Variants in ASB2 observed in about 807,000 individuals in gnomAD.
ASB2 encodes ankyrin repeat and SOCS box containing 2.
ASB2 carries 58 observed loss-of-function variants against 62.4 expected under a neutral mutation model. That is an observed-to-expected ratio of 0.93 (90% CI 0.75 to 1.16). ASB2 has a LOEUF of 1.16. ASB2 is among the 50% of genes most tolerant of loss of function. The probability of loss-of-function intolerance (pLI) is 0.00; values close to 1 mark genes in which losing one functional copy is unlikely to be tolerated. For missense variants in ASB2, 928 were observed against 887.9 expected, an observed-to-expected ratio of 1.05 and a Z score of -0.57; for synonymous variants, 386 against 385.3, an observed-to-expected ratio of 1.00 and a Z score of -0.02.
chr14:93,954,999 C>T (rs1889126999), intron 3 of ASB2: 1 of 454,192 alleles, frequency 2.2e-6, no homozygotes, highest in Non-Finnish European at 4.4e-6. Context: ...TTCTGAATGT[C>T]AAAAAGATTT....
At chr14:93,972,376 C>T (rs1469697662) in intron 1 of ASB2, among the ~76,000 whole-genome samples, 1 of 152,138 alleles carries the variant, frequency 6.6e-6, no homozygotes, top group East Asian at 1.9e-4. Flanking sequence ...TGTTCTCTTC[C>T]CTTCCCGGGT....
At chr14:93,947,003 C>A (rs1888751762) in intron 7 of ASB2, among the ~76,000 whole-genome samples, 1 of 152,220 alleles carries the variant, frequency 6.6e-6, no homozygotes, top group Non-Finnish European at 1.5e-5. Context: ...AGTCACTCAA[C>A]CTCTCTGTGT....
At chr14:93,941,712 G>A in intron 7 of ASB2, 1 of 456,164 alleles carries the variant, frequency 2.2e-6, no homozygotes, top group South Asian at 1.5e-5. Flanking sequence ...GCTGCCCCGG[G>A]GCCGCTGGAC....
In ASB2 at chr14:93,956,237, T is replaced by C. The variant is rs189880262; in HGVS notation, c.311+529A>G. 1.6e-3 allele frequency among the ~76,000 whole-genome samples: 247 copies of C among 152,270 alleles called. No homozygotes were observed. In the South Asian group the frequency reaches 0.022, roughly 14 times the overall value. The stretch of plus-strand genomic sequence containing the variant: ...CCAGGCAAACAGAGCCCCTGCAGCT[T>C]AGATTATTTCTGGATTTTAGCACCT... On this transcript the variant is annotated intron_variant, in intron 3 of 9. Transcript: ENST00000555019.
intron 1 of ASB2, among the ~76,000 whole-genome samples, chr14:93,974,679 A>C (rs765995865): frequency 2.6e-5 from 4 of 152,136 alleles, no homozygotes; most frequent in Non-Finnish European, 4.4e-5. Context: ...CAGATTCCTG[A>C]CTCCAACACT....
At chr14:93,958,927 G>A (rs1325368752) in intron 2 of ASB2, among the ~76,000 whole-genome samples, 1 of 152,218 alleles carries the variant, frequency 6.6e-6, no homozygotes, top group African/African-American at 2.4e-5. Context: ...ATCTAAACGA[G>A]GACCTGTCTC....
intron 2 of ASB2, among the ~76,000 whole-genome samples, chr14:93,960,257 TCC>T (rs1889362625): frequency 6.6e-6 from 1 of 152,162 alleles, no homozygotes; most frequent in Non-Finnish European, 1.5e-5. Context: ...TTTTCCAGGG[TCC>T]CTCTGTAACT....
At chr14:93,947,235 G>A in intron 7 of ASB2, 114 bp downstream of exon 7, 1 of 1,171,582 alleles carries the variant, frequency 8.5e-7, no homozygotes, top group Non-Finnish European at 1.2e-6. Flanking sequence ...GACCTCTCCT[G>A]GGCCTCCCTA....
Position 93,959,382 on chromosome 14 carries a change from G to T in ASB2, c.207-2512C>A, listed in dbSNP as rs940238283. Among the ~76,000 whole-genome samples, 5 of 152,172 alleles carry T rather than the reference G, an allele frequency of 3.3e-5. No individual in the cohort carries two copies. The South Asian group carries it at 6.2e-4, about 19-fold the overall frequency. On this transcript the variant is annotated intron_variant, in intron 2 of 9. Coordinates refer to ENST00000555019, the MANE Select transcript of ASB2 (RefSeq NM_001202429.2). ...AGTGCATCCACTGGCTTTGGGGCTG[G>T]CAACTGGGCAAGGCGACCGCTCAGA...
chr14:93,962,688 T>C (rs745461900), intron 2 of ASB2, among the ~76,000 whole-genome samples: 15 of 152,196 alleles, frequency 9.9e-5, no homozygotes, highest in Non-Finnish European at 1.9e-4. Flanking sequence ...TTCTTTCTAA[T>C]GTGTCCAAGC....
rs1185256349 is a variant in ASB2 at position 93,939,423 on chromosome 14, G to A, written c.1302C>T (p.Gly434=). Residue 434 remains glycine, a synonymous_variant, in exon 8 of 10, where the codon GGC becomes GGT. Transcript: ENST00000555019. The part of the protein sequence containing the change: ...VYATELLLQH[G]ADPNRDVISP... ...TGATGACGTCGCGGTTGGGGTCGGC[G>A]CCGTGTTGCAGCAGCAGCTCGGTGG... 2 of 1,612,798 alleles carry A rather than the reference G, an allele frequency of 1.2e-6. No individual in the cohort carries two copies. Among genetic ancestry groups the A allele is most frequent in the East Asian group, 2.2e-5 (1 of 44,860 alleles).
chr14:93,957,104 T>C lies in ASB2; in HGVS notation c.207-234A>G, dbSNP rs529681327. 9.7e-5 allele frequency: 138 copies of C among 1,420,972 alleles called. 1 individual carries two copies. In the African/African-American group the frequency reaches 1.8e-3, roughly 19 times the overall value. The allele number at this position is 1,420,972 out of a possible 1,614,324, so 88.0% of individuals were successfully genotyped here. ...GCCCTGGGAGATTTAAATGACCATA[T>C]AAGACAACAATGAGGTTAACCTCAC... On this transcript the variant is annotated intron_variant, in intron 2 of 9. Coordinates refer to ENST00000555019, the MANE Select transcript of ASB2 (RefSeq NM_001202429.2).
chr14:93,956,601 G>A (rs1393890993), intron 3 of ASB2, among the ~76,000 whole-genome samples, 165 bp downstream of exon 3: 1 of 152,236 alleles, frequency 6.6e-6, no homozygotes, highest in Non-Finnish European at 1.5e-5. Context: ...CTCAGCAGGA[G>A]CAGTGGGGCC....
At position 93,943,343 on chromosome 14, in the gene ASB2, C is replaced by A. The variant is rs59561607; in HGVS notation, c.1053-3671G>T. ...CTGTGCTTTGACCCTTGTCAGTGTT[C>A]AATGTAAATTTGGATGGAGGGCCGG... On this transcript the variant is annotated intron_variant, in intron 7 of 9. Coordinates refer to ENST00000555019, the MANE Select transcript of ASB2 (RefSeq NM_001202429.2). Among the ~76,000 whole-genome samples, 5,692 of 152,302 alleles carry A rather than the reference C, an allele frequency of 0.037. 728 individuals carry two copies. In the East Asian group the frequency reaches 0.47, roughly 13 times the overall value.
chr14:93,939,088 C>G lies in ASB2; in HGVS notation c.1617+20G>C. On this transcript the variant is annotated intron_variant, in intron 8 of 9. Transcript: ENST00000555019. ...CACACCCAAAAGGCGTGCTCCCCAC[C>G]GCCAGCGTGCGCTGCCCACCTGCAC... 1 of 1,440,666 alleles carries G rather than the reference C, an allele frequency of 6.9e-7. No individual in the cohort carries two copies. The highest frequency in any genetic ancestry group is 9.1e-7 in the Non-Finnish European group (1 of 1,098,510). 89.2% of individuals were successfully genotyped at this position (1,440,666 alleles called of 1,614,324 possible).
In ASB2 at chr14:93,963,468, C is replaced by T. The variant is rs139976303; in HGVS notation, c.206+866G>A. ...CCAAATGCATTTTGAGATCAATCAC[C>T]GCTCTGCTTAATCACCTCTCTAGCT... On this transcript the variant is annotated intron_variant, in intron 2 of 9. Coordinates refer to ENST00000555019, the MANE Select transcript of ASB2 (RefSeq NM_001202429.2). Among the ~76,000 whole-genome samples the T allele has an allele frequency of 1.1e-3, 165 of 152,248 alleles. 1 individual carries two copies. The highest frequency in any genetic ancestry group is 3.6e-3 in the African/African-American group (151 of 41,534).
At chr14:93,936,590 T>A (rs2236239) in intron 9 of ASB2, among the ~76,000 whole-genome samples, 36,753 of 152,216 alleles carry the variant, frequency 0.24, 4,909 homozygotes, top group East Asian at 0.6. Flanking sequence ...AGAAACTTTA[T>A]CAAAGGCTTC....
At chr14:93,957,556 A>G (rs893603254) in intron 2 of ASB2, 1 of 233,726 alleles carries the variant, frequency 4.3e-6, no homozygotes, top group African/African-American at 2.3e-5. Context: ...TCTGTGCCTT[A>G]GTCCCCGCTC....
chr14:93,957,048 G>A, intron 2 of ASB2, 178 bp from the exon 3 acceptor site: 2 of 1,485,010 alleles, frequency 1.3e-6, no homozygotes, highest in South Asian at 1.4e-5. Context: ...CAGCTGCTGT[G>A]TCTCCGGATT....
Sources: gnomAD v4.1 joint callset for allele counts (sites outside exome capture counted in the v4.1 genomes callset) on GRCh38, gnomAD v4.1.1 for gene constraint, MANE v1.5 for transcripts, NCBI Gene and HGNC (gene_info 2026-07-23, HGNC 2026-07-21) for gene names.